CTNNA3: variants seen among roughly 807,000 people sequenced by gnomAD.
CTNNA3 encodes catenin alpha 3.
CTNNA3 carries 76 observed loss-of-function variants against 95.7 expected under a neutral mutation model. The observed-to-expected ratio is 0.79, with a 90% CI of 0.66 to 0.96. The LOEUF (loss-of-function observed/expected upper bound fraction) is 0.96, where lower values mean the gene tolerates loss of function less well. Ranked by LOEUF, CTNNA3 falls within the 40% of genes least tolerant of loss-of-function variation. CTNNA3 has a pLI of 0.00. For synonymous variants in CTNNA3, 431 were observed against 374.4 expected (o/e 1.15, Z -1.74); for missense variants, 1,191 against 1,089.8 (o/e 1.09, Z -1.31).
chr10:67,466,065 C>T (rs1847579578), intron 5 of CTNNA3, among the ~76,000 whole-genome samples: 1 of 152,112 alleles, frequency 6.6e-6, no homozygotes, highest in Non-Finnish European at 1.5e-5. Context: ...AGAATCAAAA[C>T]TTATTTTGGA....
intron 13 of CTNNA3, among the ~76,000 whole-genome samples, chr10:66,150,842 T>C (rs1004021737): frequency 6.6e-6 from 1 of 152,052 alleles, no homozygotes; most frequent in Non-Finnish European, 1.5e-5. Flanking sequence ...AACTTATCTT[T>C]TAATACTTTT....
chr10:67,593,450 G>A (rs1842843241), intron 3 of CTNNA3, among the ~76,000 whole-genome samples: 1 of 152,012 alleles, frequency 6.6e-6, no homozygotes, highest in Non-Finnish European at 1.5e-5. Flanking sequence ...GCATTTTCTA[G>A]TTCTCCTTGT....
chr10:67,408,267 G>A (rs759738633), intron 5 of CTNNA3, among the ~76,000 whole-genome samples: 14 of 151,772 alleles, frequency 9.2e-5, no homozygotes, highest in Non-Finnish European at 4.4e-5. Context: ...AACCAAAATA[G>A]AACTCGTATA....
At chr10:67,719,080 T>G (rs898048348) in intron 1 of CTNNA3, among the ~76,000 whole-genome samples, 3 of 152,218 alleles carry the variant, frequency 2.0e-5, no homozygotes, top group African/African-American at 7.2e-5. Context: ...GATTTTCTAG[T>G]TTATTTGCAT....
At chr10:66,595,014 A>G (rs1374166959) in intron 10 of CTNNA3, among the ~76,000 whole-genome samples, 2 of 152,116 alleles carry the variant, frequency 1.3e-5, no homozygotes, top group Non-Finnish European at 2.9e-5. Context: ...CGTTTGAGTG[A>G]TATCAGCGAG....
chr10:67,389,773 C>A (rs946216795), intron 5 of CTNNA3, among the ~76,000 whole-genome samples: 2 of 151,860 alleles, frequency 1.3e-5, no homozygotes, highest in African/African-American at 4.8e-5. Flanking sequence ...AACCGCTCAA[C>A]TACATGGAAA....
At chr10:67,341,172 C>G (rs1842171806) in intron 5 of CTNNA3, among the ~76,000 whole-genome samples, 1 of 152,116 alleles carries the variant, frequency 6.6e-6, no homozygotes, top group Non-Finnish European at 1.5e-5. Flanking sequence ...TTGTCTCAAG[C>G]ATTTATCCTT....
chr10:66,765,138 A>T (rs1443500041), intron 9 of CTNNA3, among the ~76,000 whole-genome samples: 1 of 152,218 alleles, frequency 6.6e-6, no homozygotes, highest in Non-Finnish European at 1.5e-5. Context: ...TTCATCTTCT[A>T]GTTCTGGAGA....
chr10:66,159,359 A>T (rs980623406), intron 13 of CTNNA3, among the ~76,000 whole-genome samples: 3 of 151,956 alleles, frequency 2.0e-5, no homozygotes, highest in Non-Finnish European at 4.4e-5. Context: ...TTTGAGTTTT[A>T]ATCATAAAGC....
intron 9 of CTNNA3, among the ~76,000 whole-genome samples, chr10:66,686,508 A>C (rs562622489): frequency 1.2e-4 from 18 of 152,278 alleles, no homozygotes; most frequent in African/African-American, 4.3e-4. Context: ...GCAATAAATA[A>C]ATAAGAAGCT....
At chr10:66,183,292 T>C (rs1413752305) in intron 13 of CTNNA3, among the ~76,000 whole-genome samples, 1 of 152,226 alleles carries the variant, frequency 6.6e-6, no homozygotes, top group African/African-American at 2.4e-5. Context: ...CCATATTGTA[T>C]ATATGTATAT....
At chr10:67,688,023 T>C (rs544236996) in intron 1 of CTNNA3, among the ~76,000 whole-genome samples, 2 of 152,254 alleles carry the variant, frequency 1.3e-5, no homozygotes, top group Admixed American at 6.5e-5. Flanking sequence ...ATCTCCAAAC[T>C]CTCGGGCTGC....
At chr10:66,996,649 C>CAAAAAAAAAAAAA (rs57025097) in intron 7 of CTNNA3, among the ~76,000 whole-genome samples, 1,888 of 67,642 alleles carry the variant, frequency 0.028, 396 homozygotes, top group East Asian at 0.15. Flanking sequence ...TCCGTCTCTA[C>CAAAAAAAAAAAAA]AAAAAAAAAA....
At chr10:67,198,456 A>G (rs2132199738) in intron 6 of CTNNA3, among the ~76,000 whole-genome samples, 1 of 152,330 alleles carries the variant, frequency 6.6e-6, no homozygotes, top group Non-Finnish European at 1.5e-5. Context: ...GTGGAAGGAC[A>G]AGAAGCAAGT....
intron 7 of CTNNA3, among the ~76,000 whole-genome samples, chr10:66,828,597 T>A (rs192395668): frequency 6.6e-6 from 1 of 152,182 alleles, no homozygotes; most frequent in Non-Finnish European, 1.5e-5. Context: ...TTTTGGCCAA[T>A]GGTATATCTA....
chr10:67,184,274 G>A (rs925482158), intron 6 of CTNNA3, among the ~76,000 whole-genome samples: 7 of 152,088 alleles, frequency 4.6e-5, no homozygotes, highest in East Asian at 1.9e-4. Flanking sequence ...ATTTTGCTTC[G>A]ACTCGATTAC....
intron 11 of CTNNA3, among the ~76,000 whole-genome samples, chr10:66,493,627 A>G: frequency 9.6e-6 from 1 of 104,288 alleles, no homozygotes. Context: ...TTTGAGACCG[A>G]GTCTCGCTCT....
intron 5 of CTNNA3, among the ~76,000 whole-genome samples, chr10:67,388,472 T>A (rs1178752117): frequency 8.1e-6 from 1 of 123,990 alleles, no homozygotes; most frequent in East Asian, 2.3e-4. Flanking sequence ...TGGAACCAAG[T>A]TGGAAAACAC....
chr10:67,591,001 T>C (rs1842773840), intron 3 of CTNNA3, among the ~76,000 whole-genome samples: 1 of 152,148 alleles, frequency 6.6e-6, no homozygotes, highest in Non-Finnish European at 1.5e-5. Flanking sequence ...AAAACTCTTA[T>C]TTTTTAAAGA....
Sources: gnomAD v4.1 joint callset for allele counts (sites outside exome capture counted in the v4.1 genomes callset) on GRCh38, gnomAD v4.1.1 for gene constraint, MANE v1.5 for transcripts, NCBI Gene and HGNC (gene_info 2026-07-23, HGNC 2026-07-21) for gene names.